Variants in LONRF2 observed in about 807,000 individuals in gnomAD.
LONRF2 encodes LON peptidase N-terminal domain and ring finger 2.
LONRF2 carries 35 observed loss-of-function variants against 66.6 expected under a neutral mutation model. That is an observed-to-expected ratio of 0.53 (90% confidence interval 0.40 to 0.70). The LOEUF (loss-of-function observed/expected upper bound fraction) is 0.70. Ranked by LOEUF, LONRF2 falls within the 30% of genes least tolerant of loss-of-function variation. LONRF2 has a pLI of 0.00. For synonymous variants in LONRF2, 417 were observed against 418.1 expected (o/e 1.00, Z 0.03); for missense variants, 902 against 1,002.1 (o/e 0.90, Z 1.35).
intron 10 of LONRF2, among the ~76,000 whole-genome samples, chr2:100,289,430 CTTTTT>C (rs10543662): frequency 5.2e-5 from 4 of 77,094 alleles, no homozygotes; most frequent in African/African-American, 1.2e-4. Flanking sequence ...ACAATAAGGT[CTTTTT>C]TTTTTTTTTT....
intron 7 of LONRF2, 79 bp from the exon 8 acceptor site, chr2:100,295,632 AGGAGGT>A (rs1323554830): frequency 6.9e-7 from 1 of 1,439,134 alleles, no homozygotes; most frequent in Non-Finnish European, 9.5e-7. Flanking sequence ...AAGGTGAACA[AGGAGGT>A]GGTGGGTGGG....
rs1412181399 is a variant in LONRF2 at position 100,281,057 on chromosome 2, T to G, written c.*3241A>C. 2.6e-5 allele frequency: 4 copies of G among 152,196 alleles called. No homozygotes were observed. Among genetic ancestry groups the G allele is most frequent in the Non-Finnish European group, 4.4e-5 (3 of 68,026 alleles). The allele number at this position is 152,196 out of a possible 1,614,324, so 9.4% of individuals were successfully genotyped here. On this transcript the variant is annotated 3_prime_UTR_variant, in exon 12 of 12. Coordinates refer to ENST00000393437, the MANE Select transcript of LONRF2 (RefSeq NM_198461.4). ...ACAGATGGGTATTTTTTTAAAGCCC[T>G]TAAAAATTATAACAAATTCTATGTA...
At position 100,272,501 on chromosome 2, in the gene LONRF2, A is replaced by G. The variant is rs560516416; in HGVS notation, c.*11797T>C. Reference sequence around the variant, plus strand: ...ATGACACAGCAAGACCATGTCCCCCAAGAAGAAAATAAATAAATAAATAAA... The same window carrying G: ...ATGACACAGCAAGACCATGTCCCCCGAGAAGAAAATAAATAAATAAATAAA... On this transcript the variant is annotated 3_prime_UTR_variant, in exon 12 of 12. Coordinates refer to ENST00000393437, the MANE Select transcript of LONRF2 (RefSeq NM_198461.4). Among the ~76,000 whole-genome samples, 7 of 152,216 alleles carry G rather than the reference A, an allele frequency of 4.6e-5. 1 individual carries two copies. The South Asian group carries it at 1.5e-3, about 32-fold the overall frequency.
At chr2:100,308,185 C>A (rs1242042081) in intron 2 of LONRF2, among the ~76,000 whole-genome samples, 1 of 151,424 alleles carries the variant, frequency 6.6e-6, no homozygotes, top group African/African-American at 2.4e-5. Context: ...CTGGCTAACA[C>A]AGTGAAACCC....
At chr2:100,315,290 A>C (rs942792069) in intron 1 of LONRF2, among the ~76,000 whole-genome samples, 1 of 148,100 alleles carries the variant, frequency 6.8e-6, no homozygotes, top group East Asian at 1.9e-4. Context: ...GATAACCTCT[A>C]TATTGACCTT....
At position 100,299,258 on chromosome 2, in the gene LONRF2, A is replaced by G; in HGVS notation, c.1329T>C (p.Asp443=). 2 of 1,594,682 alleles carry G rather than the reference A, an allele frequency of 1.3e-6. No homozygotes were observed. The highest frequency in any genetic ancestry group is 1.7e-6 in the Non-Finnish European group (2 of 1,168,594). Residue 443 remains aspartate (D), a synonymous_variant, in exon 6 of 12, where the codon GAT becomes GAC. Transcript: ENST00000393437. ...ETEESQGLSL[D]VTDFECALCM... ...AGAGGGCACACTCAAAGTCAGTTAC[A>G]TCAAGCGAGAGCCCCTGACTTTCTT...
At chr2:100,300,201 A>C (rs922689715) in intron 4 of LONRF2, among the ~76,000 whole-genome samples, 8 of 152,036 alleles carry the variant, frequency 5.3e-5, no homozygotes, top group Non-Finnish European at 1.2e-4. Context: ...ATACACATAC[A>C]CACGTACACA....
intron 10 of LONRF2, among the ~76,000 whole-genome samples, chr2:100,288,937 C>T (rs1674899745): frequency 6.6e-6 from 1 of 152,122 alleles, no homozygotes; most frequent in Non-Finnish European, 1.5e-5. Flanking sequence ...TTATGGACAT[C>T]CTTGTGTAAG....
rs190589978 is a variant in LONRF2, at chr2:100,321,369, G to C, written c.679+46C>G. 5,791 of 1,363,040 alleles carry C rather than the reference G, an allele frequency of 4.2e-3. 145 individuals carry two copies. In the African/African-American group the frequency reaches 0.066, roughly 15 times the overall value. 84.4% of individuals were successfully genotyped at this position (1,363,040 alleles called of 1,614,324 possible). On this transcript the variant is annotated intron_variant, in intron 1 of 11. Coordinates refer to ENST00000393437, the MANE Select transcript of LONRF2 (RefSeq NM_198461.4). Reference sequence around the variant, plus strand: ...GGCCAGCTCCCCACCCCGCTGCTGGGCCGGACAGGTGTAGGGGAGGCGGAC... The same window carrying C: ...GGCCAGCTCCCCACCCCGCTGCTGGCCCGGACAGGTGTAGGGGAGGCGGAC...
intron 10 of LONRF2, among the ~76,000 whole-genome samples, 191 bp from the exon 11 acceptor site, chr2:100,287,254 A>T (rs1354899849): frequency 6.6e-6 from 1 of 152,230 alleles, no homozygotes; most frequent in Non-Finnish European, 1.5e-5. Flanking sequence ...TATCAATTGT[A>T]TCCTGATTTT....
Position 100,287,062 on chromosome 2 carries a change from A to C in LONRF2, c.1922T>G (p.Val641Gly). The change falls in exon 11 of 12, where the codon GTG (valine) becomes GGG (glycine). Residue 641 changes from valine to glycine, a missense_variant and splice_region_variant. Val to Gly is a moderately radical substitution (Grantham distance 109, BLOSUM62 -3). Transcript: ENST00000393437. ...ADIEYLEDEK[V>G]EGPEYEELAA... ...AAGTTCTTCATACTCTGGACCCTCC[A>C]CCTGATCAGGGAAAGAGGCACAGCT... 6.2e-7 allele frequency: 1 copy of C among 1,613,380 alleles called. No homozygotes were observed. The highest frequency in any genetic ancestry group is 8.5e-7 in the Non-Finnish European group (1 of 1,179,718).
Position 100,321,769 on chromosome 2 carries a change from G to A in LONRF2, c.325C>T (p.Arg109Cys), listed in dbSNP as rs1371840797. Residue 109 changes from arginine to cysteine, a missense_variant, in exon 1 of 12, where the codon CGC becomes TGC. Arg to Cys is a radical substitution (Grantham distance 180). Around this residue, in one of 2 missense-constraint regions of LONRF2, gnomAD observed 585 missense variants for 569.9 expected, o/e 1.03. Transcript: ENST00000393437. ...TTCTCCGCGGACAGCGGCCGGTCGC[G>A]CAGGCCCACGGCGCGCACCAGGCCG... ...AGGLVRAVGL[R>C]DRPLSAENPG... The A allele has an allele frequency of 9.6e-7, 1 of 1,036,276 alleles. No homozygotes were observed. 64.2% of individuals were successfully genotyped at this position (1,036,276 alleles called of 1,614,324 possible).
Position 100,282,764 on chromosome 2 carries a change from T to C in LONRF2, c.*1534A>G, listed in dbSNP as rs1386391577. The stretch of plus-strand genomic sequence containing the variant: ...ACATTTTCTCTTTACAATTAAGTGA[T>C]GCTGGTATTTTCTAACTCCCATGAT... On this transcript the variant is annotated 3_prime_UTR_variant, in exon 12 of 12. Coordinates refer to ENST00000393437, the MANE Select transcript of LONRF2 (RefSeq NM_198461.4). 1.3e-5 allele frequency: 2 copies of C among 152,044 alleles called. No homozygotes were observed. The highest frequency in any genetic ancestry group is 4.8e-5 in the African/African-American group (2 of 41,362). The allele number at this position is 152,044 out of a possible 1,614,324, so 9.4% of individuals were successfully genotyped here. A position where few individuals can be genotyped will look rare whatever the true frequency, so the allele number is the denominator to read the frequency against.
chr2:100,321,898 C>T lies in LONRF2; in HGVS notation c.196G>A (p.Asp66Asn), dbSNP rs1412983386. 2.1e-5 allele frequency: 27 copies of T among 1,275,678 alleles called. No homozygotes were observed. Among genetic ancestry groups the T allele is most frequent in the Middle Eastern group, 3.0e-4 (1 of 3,302 alleles). The allele number at this position is 1,275,678 out of a possible 1,614,324, so 79.0% of individuals were successfully genotyped here. A position where few individuals can be genotyped will look rare whatever the true frequency, so the allele number is the denominator to read the frequency against. ...AGGCGGCCGGCGCGGGCCAGCGCGTCCCCCAGCCTCAGGCACAGGCCGCGG... is the reference window on the plus strand; with the variant it reads ...AGGCGGCCGGCGCGGGCCAGCGCGTTCCCCAGCCTCAGGCACAGGCCGCGG... ...PDRGLCLRLG[D>N]ALARAGRLPE... is the part of the protein sequence containing the mutation. The change falls in exon 1 of 12, where the codon GAC becomes AAC. Residue 66 changes from aspartate (D) to asparagine (N), a missense_variant. Physicochemically the swap from Asp to Asn is conservative, Grantham distance 23. Around this residue, in one of 2 missense-constraint regions of LONRF2, gnomAD observed 585 missense variants for 569.9 expected, o/e 1.03. Transcript: ENST00000393437.
intron 4 of LONRF2, among the ~76,000 whole-genome samples, chr2:100,300,253 T>G (rs1043356194): frequency 1.4e-3 from 23 of 16,714 alleles, no homozygotes; most frequent in Middle Eastern, 0.017. Flanking sequence ...CTTTGCTTTA[T>G]TTTTTTTTAA....
chr2:100,273,837 C>T lies in LONRF2; in HGVS notation c.*10461G>A, dbSNP rs1165424808. The T allele has an allele frequency of 2.0e-5, 3 of 152,150 alleles. No individual in the cohort carries two copies. The highest frequency in any genetic ancestry group is 2.9e-5 in the Non-Finnish European group (2 of 68,034). The allele number at this position is 152,150 out of a possible 1,614,324, so 9.4% of individuals were successfully genotyped here. A position where few individuals can be genotyped will look rare whatever the true frequency, so the allele number is the denominator to read the frequency against. ...CTCTAAAATTAAGATGCTAATGACACCACTCTCCACTAGCATGAAAGAACA... is the reference window on the plus strand; with the variant it reads ...CTCTAAAATTAAGATGCTAATGACATCACTCTCCACTAGCATGAAAGAACA... On this transcript the variant is annotated 3_prime_UTR_variant, in exon 12 of 12. Coordinates refer to ENST00000393437, the MANE Select transcript of LONRF2 (RefSeq NM_198461.4).
rs1211351828 is a variant in LONRF2, at chr2:100,273,936, T to G, written c.*10362A>C. On this transcript the variant is annotated 3_prime_UTR_variant, in exon 12 of 12. Coordinates refer to ENST00000393437, the MANE Select transcript of LONRF2 (RefSeq NM_198461.4). Reference sequence around the variant, plus strand: ...TTTCAGAATTGAGTGGGAAATTGTGTGTGGGGTAAACAGCATGAGAGAGAA... The same window carrying G: ...TTTCAGAATTGAGTGGGAAATTGTGGGTGGGGTAAACAGCATGAGAGAGAA... 1 of 152,186 alleles carries G rather than the reference T, an allele frequency of 6.6e-6. No homozygotes were observed. Among genetic ancestry groups the G allele is most frequent in the Non-Finnish European group, 1.5e-5 (1 of 68,040 alleles). 9.4% of individuals were successfully genotyped at this position (152,186 alleles called of 1,614,324 possible).
chr2:100,298,873 G>C lies in LONRF2; in HGVS notation c.1439C>G (p.Ala480Gly). 1 of 1,614,160 alleles carries C rather than the reference G, an allele frequency of 6.2e-7. No individual in the cohort carries two copies. Among genetic ancestry groups the C allele is most frequent in the Middle Eastern group, 1.6e-4 (1 of 6,062 alleles). The change falls in exon 7 of 12, where the codon GCC becomes GGC. Residue 480 changes from alanine (A) to glycine (G), a missense_variant. Physicochemically the swap from Ala to Gly is moderately conservative, Grantham distance 60 (BLOSUM62 0). Coordinates refer to ENST00000393437, the MANE Select transcript of LONRF2 (RefSeq NM_198461.4). ...GTCTTTGCACAAAGGACAGTGTGGG[G>C]CGTGGTCAAGGCAGCGCTCAAGGCA... Reference protein sequence around the residue: ...LKCLERCLDHAPHCPLCKDKL... With the variant: ...LKCLERCLDHGPHCPLCKDKL...
chr2:100,293,559 G>T (rs1366721114), intron 9 of LONRF2, among the ~76,000 whole-genome samples: 1 of 152,164 alleles, frequency 6.6e-6, no homozygotes, highest in Non-Finnish European at 1.5e-5. Flanking sequence ...CCTAAGGGAT[G>T]GGAGGGTCCT....
Sources: allele counts gnomAD v4.1 joint callset (sites outside exome capture counted in the v4.1 genomes callset), GRCh38; gene constraint gnomAD v4.1.1; regional missense constraint gnomAD v4.1.1; transcripts MANE v1.5; gene names NCBI Gene and HGNC (gene_info 2026-07-23, HGNC 2026-07-21).